The following ACTR3B variants were observed in gnomAD, a reference collection of about 807,000 sequenced individuals.
ACTR3B encodes actin related protein 3B, also known as actin-related protein 3B.
A neutral mutation model predicts 59.0 loss-of-function variants in ACTR3B; 8 were observed. That is an observed-to-expected ratio of 0.14 (90% CI 0.08 to 0.24). The LOEUF (loss-of-function observed/expected upper bound fraction) is 0.24. Among genes scored for constraint, ACTR3B ranks in the 10% least tolerant of loss-of-function variants. The probability of loss-of-function intolerance (pLI) is 1.00; values close to 1 mark genes in which losing one functional copy is unlikely to be tolerated. For synonymous variants in ACTR3B, 148 were observed against 197.9 expected, an observed-to-expected ratio of 0.75 and a Z score of 2.12; for missense variants, 245 against 552.3, an observed-to-expected ratio of 0.44 and a Z score of 5.58.
intron 9 of ACTR3B, among the ~76,000 whole-genome samples, chr7:152,834,652 C>G (rs907087199): frequency 2.0e-5 from 3 of 152,162 alleles, no homozygotes; most frequent in African/African-American, 7.2e-5. Flanking sequence ...GTGTCTGTTT[C>G]GATACCAACT....
chr7:152,845,225 A>G (rs1198192469), intron 9 of ACTR3B, among the ~76,000 whole-genome samples: 2 of 151,832 alleles, frequency 1.3e-5, no homozygotes, highest in South Asian at 2.1e-4. Context: ...GACTCAGAGC[A>G]CCCCTCAGTT....
rs748841041 is a variant in ACTR3B at position 152,854,453 on chromosome 7, C to T, written c.1162-5C>T. The T allele has an allele frequency of 1.5e-5, 25 of 1,613,746 alleles. No individual in the cohort carries two copies. The highest frequency in any genetic ancestry group is 1.6e-4 in the Middle Eastern group (1 of 6,080). ...GTCTTTCTGTCTGCCTGTTGCCTCT[C>T]GTAGCCCGAGTTCTTTCAGGTCTGC... On this transcript the variant is annotated splice_region_variant and splice_polypyrimidine_tract_variant and intron_variant, in intron 11 of 11. Transcript: ENST00000256001. The surrounding 1 kb of genome is among the most constrained non-coding windows in gnomAD (Gnocchi z 4.9).
chr7:152,796,623 G>C (rs976593687), intron 2 of ACTR3B, among the ~76,000 whole-genome samples: 3 of 130,798 alleles, frequency 2.3e-5, no homozygotes, highest in African/African-American at 7.6e-5. Context: ...CATAACTTCA[G>C]AGTCTGTGTG....
intron 4 of ACTR3B, among the ~76,000 whole-genome samples, chr7:152,809,544 T>G (rs1277308389): frequency 1.3e-5 from 2 of 151,858 alleles, no homozygotes; most frequent in Non-Finnish European, 2.9e-5. Context: ...TTTCTTTTTT[T>G]TTTTTGTTTT....
intron 1 of ACTR3B, among the ~76,000 whole-genome samples, chr7:152,760,352 C>T (rs1029089677): frequency 1.3e-5 from 2 of 152,228 alleles, no homozygotes; most frequent in African/African-American, 4.8e-5. Context: ...TTTAACGTCA[C>T]TCATCTCCTA....
intron 2 of ACTR3B, among the ~76,000 whole-genome samples, chr7:152,792,629 A>G (rs376632259): frequency 1.3e-5 from 2 of 151,900 alleles, no homozygotes; most frequent in Non-Finnish European, 1.5e-5. Flanking sequence ...CACCTGTAGT[A>G]CCAGCTATTT....
rs369761597 is a variant in ACTR3B, at chr7:152,779,020, A to G, written c.45-4167A>G. ...AGTTATTTCTTCTGAACTTCTGACC[A>G]GTATTAAACTTCAGTATTATAGACA... On this transcript the variant is annotated intron_variant, in intron 1 of 11. Transcript: ENST00000256001. Among the ~76,000 whole-genome samples, 18 of 146,498 alleles carry G rather than the reference A, an allele frequency of 1.2e-4. No individual in the cohort carries two copies. The East Asian group carries it at 3.6e-3, about 29-fold the overall frequency.
chr7:152,809,073 A>G (rs1415388153), intron 4 of ACTR3B, among the ~76,000 whole-genome samples: 3 of 151,890 alleles, frequency 2.0e-5, no homozygotes, highest in East Asian at 1.9e-4. Flanking sequence ...CTATTAGCAG[A>G]TTTAATCTCC....
At chr7:152,820,000 TG>T (rs1240312676) in intron 6 of ACTR3B, among the ~76,000 whole-genome samples, 1 of 152,266 alleles carries the variant, frequency 6.6e-6, no homozygotes, top group Non-Finnish European at 1.5e-5. Flanking sequence ...CATTTCTTTT[TG>T]GAAATGAACT....
chr7:152,852,221 C>T lies in ACTR3B; in HGVS notation c.1047C>T (p.Leu349=), dbSNP rs146208789. 2 of 1,613,834 alleles carry T rather than the reference C, an allele frequency of 1.2e-6. No individual in the cohort carries two copies. Among genetic ancestry groups the T allele is most frequent in the African/African-American group, 2.7e-5 (2 of 74,916 alleles). The change falls in exon 10 of 12, where the codon CTC becomes CTT. Residue 349 remains leucine (L), a synonymous_variant. Transcript: ENST00000256001. ...GAGTGGTGGATGCTAGGCTGAGGCTCAGCGAGGAGCTCAGCGGCGGGAGGA... is the reference window on the plus strand; with the variant it reads ...GAGTGGTGGATGCTAGGCTGAGGCTTAGCGAGGAGCTCAGCGGCGGGAGGA... ...LKRVVDARLR[L]SEELSGGRIK... is the part of the protein sequence containing the mutation.
intron 4 of ACTR3B, among the ~76,000 whole-genome samples, chr7:152,805,970 A>G (rs1251193557): frequency 6.6e-6 from 1 of 152,240 alleles, no homozygotes; most frequent in African/African-American, 2.4e-5. Flanking sequence ...ATTCATTTTT[A>G]AATCAATACC....
chr7:152,842,957 G>T (rs1472758334), intron 9 of ACTR3B, among the ~76,000 whole-genome samples: 3 of 152,298 alleles, frequency 2.0e-5, no homozygotes, highest in African/African-American at 7.2e-5. Context: ...GTTGTTGACT[G>T]TCTTTTCCTG....
chr7:152,779,202 G>C (rs956065850), intron 1 of ACTR3B, among the ~76,000 whole-genome samples: 3 of 152,084 alleles, frequency 2.0e-5, no homozygotes, highest in African/African-American at 7.2e-5. Flanking sequence ...GGGTGAGCGA[G>C]GGGTGTTAAG....
rs369772328 is a variant in ACTR3B, at chr7:152,803,343, C to T, written c.336+1612C>T. On this transcript the variant is annotated intron_variant, in intron 4 of 11. Coordinates refer to ENST00000256001, the MANE Select transcript of ACTR3B (RefSeq NM_020445.6). ...GATTATAGGCATGAGCCACCATACC[C>T]GGCCCACAGTTGTTTATGTGGAGCA... 2.0e-3 allele frequency among the ~76,000 whole-genome samples: 299 copies of T among 152,330 alleles called. 3 individuals are homozygous for T. Among genetic ancestry groups the T allele is most frequent in the African/African-American group, 6.9e-3 (288 of 41,572 alleles).
At chr7:152,796,754 A>C in intron 2 of ACTR3B, among the ~76,000 whole-genome samples, 1 of 131,040 alleles carries the variant, frequency 7.6e-6, no homozygotes, top group African/African-American at 2.6e-5. Flanking sequence ...TTGTTCTGTT[A>C]CCCAGGCTGG....
chr7:152,787,610 C>A (rs186619322), intron 2 of ACTR3B, among the ~76,000 whole-genome samples: 5 of 151,974 alleles, frequency 3.3e-5, no homozygotes, highest in African/African-American at 4.8e-5. Context: ...GTTTTCCATG[C>A]GGAAGGCTAG....
In ACTR3B at chr7:152,785,474, G is replaced by A. The variant is rs200366729; in HGVS notation, c.100+2232G>A. ...GGAGAGGGGGGAGGGGGAGGGGGAG[G>A]GAGAGAGAGAGAGAGAGACAGAGAG... On this transcript the variant is annotated intron_variant, in intron 2 of 11. Coordinates refer to ENST00000256001, the MANE Select transcript of ACTR3B (RefSeq NM_020445.6). Among the ~76,000 whole-genome samples the A allele has an allele frequency of 1.7e-3, 13 of 7,606 alleles. 1 individual carries two copies. Among genetic ancestry groups the A allele is most frequent in the South Asian group, 0.015 (1 of 68 alleles). 5.0% of individuals were successfully genotyped at this position (7,606 alleles called of 152,430 possible).
intron 9 of ACTR3B, among the ~76,000 whole-genome samples, chr7:152,838,495 T>C (rs556287067): frequency 6.6e-6 from 1 of 152,094 alleles, no homozygotes; most frequent in South Asian, 2.1e-4. Flanking sequence ...TGAGAAGACA[T>C]GGACACAGGG....
chr7:152,774,960 A>G (rs4726203), intron 1 of ACTR3B, among the ~76,000 whole-genome samples: 1 of 149,776 alleles, frequency 6.7e-6, no homozygotes, highest in South Asian at 2.1e-4. Flanking sequence ...TAGAGCTATT[A>G]TGATTGAAGT....
Sources: allele counts gnomAD v4.1 joint callset (sites outside exome capture counted in the v4.1 genomes callset), GRCh38; gene constraint gnomAD v4.1.1; non-coding constraint Gnocchi (gnomAD v3.1); transcripts MANE v1.5; gene names NCBI Gene and HGNC (gene_info 2026-07-23, HGNC 2026-07-21).